The following DOK6 variants were observed in gnomAD, a reference collection of about 807,000 sequenced individuals.
DOK6 encodes the protein docking protein 6.
A neutral mutation model predicts 44.0 loss-of-function variants in DOK6; 22 were observed. The ratio of observed to expected loss-of-function variants is 0.50; its 90% CI spans 0.36 to 0.71. The LOEUF (loss-of-function observed/expected upper bound fraction) is 0.71, where lower values mean the gene tolerates loss of function less well. Ranked by LOEUF, DOK6 falls within the 30% of genes least tolerant of loss-of-function variation. The probability of loss-of-function intolerance (pLI) is 0.00; values close to 1 mark genes in which losing one functional copy is unlikely to be tolerated. For synonymous variants in DOK6, 166 were observed against 145.5 expected, an observed-to-expected ratio of 1.14 and a Z score of -1.01; for missense variants, 340 against 416.4, an observed-to-expected ratio of 0.82 and a Z score of 1.60.
chr18:69,671,514 C>T (rs985607182), intron 3 of DOK6, among the ~76,000 whole-genome samples: 2 of 152,066 alleles, frequency 1.3e-5, no homozygotes, highest in Admixed American at 6.6e-5. Flanking sequence ...TTATGCAAAA[C>T]CTTCAGGTTG....
intron 6 of DOK6, among the ~76,000 whole-genome samples, chr18:69,744,990 C>A (rs143407606): frequency 1.1e-4 from 16 of 149,876 alleles, no homozygotes; most frequent in Admixed American, 9.3e-4. Context: ...TGTATCTCTG[C>A]GTAAGGACAC....
chr18:69,583,752 CAAAAA>C (rs36222332), intron 2 of DOK6, among the ~76,000 whole-genome samples: 6 of 143,716 alleles, frequency 4.2e-5, no homozygotes, highest in African/African-American at 1.1e-4. Context: ...TCCATCCATA[CAAAAA>C]AAAAAAAAAA....
At chr18:69,473,406 A>G (rs17184396) in intron 1 of DOK6, among the ~76,000 whole-genome samples, 28,000 of 152,218 alleles carry the variant, frequency 0.18, 3,101 homozygotes, top group Non-Finnish European at 0.23. Flanking sequence ...ATCAGTTTAT[A>G]TGATCACAAT....
At chr18:69,729,314 G>C (rs1416688353) in intron 5 of DOK6, among the ~76,000 whole-genome samples, 3 of 151,938 alleles carry the variant, frequency 2.0e-5, no homozygotes, top group Non-Finnish European at 2.9e-5. Context: ...TATTCTATTA[G>C]AGGACTCAAG....
At chr18:69,734,768 T>C (rs1203208577) in intron 5 of DOK6, among the ~76,000 whole-genome samples, 1 of 152,212 alleles carries the variant, frequency 6.6e-6, no homozygotes, top group Non-Finnish European at 1.5e-5. Context: ...CAAAGTTTTA[T>C]CTATAGACCC....
chr18:69,749,090 G>A (rs987984364), intron 6 of DOK6, among the ~76,000 whole-genome samples: 18 of 152,118 alleles, frequency 1.2e-4, no homozygotes, highest in Non-Finnish European at 1.5e-4. Flanking sequence ...TCACTTGCGA[G>A]TGGGAACTGA....
chr18:69,710,499 G>T (rs572489261), intron 5 of DOK6, among the ~76,000 whole-genome samples: 1 of 152,150 alleles, frequency 6.6e-6, no homozygotes, highest in Non-Finnish European at 1.5e-5. Context: ...TTGCTAATAC[G>T]TCTCAGGTTT....
chr18:69,439,469 G>T (rs968227999), intron 1 of DOK6, among the ~76,000 whole-genome samples: 2 of 152,226 alleles, frequency 1.3e-5, no homozygotes, highest in African/African-American at 4.8e-5. Flanking sequence ...TCTTCCAGCA[G>T]AAGGCTGTTT....
intron 2 of DOK6, among the ~76,000 whole-genome samples, chr18:69,579,677 C>A (rs1285712857): frequency 6.6e-6 from 1 of 152,120 alleles, no homozygotes; most frequent in Non-Finnish European, 1.5e-5. Flanking sequence ...GATTCTCCTG[C>A]CTCAGCCTCC....
intron 4 of DOK6, among the ~76,000 whole-genome samples, chr18:69,693,286 T>C (rs1279424216): frequency 1.1e-4 from 9 of 79,988 alleles, no homozygotes; most frequent in African/African-American, 4.2e-4. Context: ...AGAAATAGAA[T>C]ACAGTGGAAA....
intron 7 of DOK6, among the ~76,000 whole-genome samples, chr18:69,840,076 TGA>T (rs1306959545): frequency 3.3e-5 from 5 of 152,124 alleles, no homozygotes; most frequent in Non-Finnish European, 7.4e-5. Flanking sequence ...CTTCCCACAG[TGA>T]GAGAGTATTT....
intron 3 of DOK6, among the ~76,000 whole-genome samples, chr18:69,647,881 C>T (rs1207077757): frequency 2.0e-5 from 3 of 151,990 alleles, no homozygotes; most frequent in South Asian, 4.1e-4. Context: ...TTTCTCTGCC[C>T]GCCGGCAGGG....
rs561763774 is a variant in DOK6 at position 69,709,435 on chromosome 18, A to T, written c.599+10842A>T. Among the ~76,000 whole-genome samples, 3 of 152,248 alleles carry T rather than the reference A, an allele frequency of 2.0e-5. No homozygotes were observed. The South Asian group carries it at 6.2e-4, about 32-fold the overall frequency. ...ATTTTTTAAAAAAATATGTTGATAG[A>T]TGTGGATTCAAGTCATCTACTTTTG... On this transcript the variant is annotated intron_variant, in intron 5 of 7. Transcript: ENST00000382713.
intron 1 of DOK6, among the ~76,000 whole-genome samples, chr18:69,558,271 A>G (rs1982738636): frequency 6.6e-6 from 1 of 152,060 alleles, no homozygotes; most frequent in Non-Finnish European, 1.5e-5. Flanking sequence ...ATCTCCTTGT[A>G]CTTCTGCTTA....
chr18:69,409,770 T>C (rs192438595), intron 1 of DOK6, among the ~76,000 whole-genome samples: 32 of 152,344 alleles, frequency 2.1e-4, no homozygotes, highest in Non-Finnish European at 4.7e-4. Context: ...ATTTTATATT[T>C]ATTTTTGTTT....
intron 7 of DOK6, among the ~76,000 whole-genome samples, chr18:69,821,071 A>G (rs1981554183): frequency 6.6e-6 from 1 of 152,204 alleles, no homozygotes; most frequent in Admixed American, 6.6e-5. Context: ...TTTAAAAAAT[A>G]TTCATTGTCC....
chr18:69,617,346 AAGAG>A (rs546381000), intron 3 of DOK6, among the ~76,000 whole-genome samples: 1 of 150,050 alleles, frequency 6.7e-6, no homozygotes, highest in Non-Finnish European at 1.5e-5. Flanking sequence ...GAAAGAAAGA[AAGAG>A]AAAGAAAGGA....
chr18:69,492,068 A>G (rs1028858700), intron 1 of DOK6, among the ~76,000 whole-genome samples: 2 of 152,228 alleles, frequency 1.3e-5, no homozygotes, highest in African/African-American at 4.8e-5. Flanking sequence ...CCAGCAGCAG[A>G]TAGAAAACTG....
chr18:69,789,126 T>C lies in DOK6; in HGVS notation c.856+31253T>C, dbSNP rs151054641. On this transcript the variant is annotated intron_variant, in intron 7 of 7. Transcript: ENST00000382713. The stretch of plus-strand genomic sequence containing the variant: ...ATTTGAGTTACAAACATGACCATGA[T>C]TCAAAGCAACAATTGTGAAAATGAT... Among the ~76,000 whole-genome samples, 884 of 152,300 alleles carry C rather than the reference T, an allele frequency of 5.8e-3. 3 individuals are homozygous for C. The highest frequency in any genetic ancestry group is 8.8e-3 in the Non-Finnish European group (601 of 68,012).
Sources: allele counts gnomAD v4.1 joint callset (sites outside exome capture counted in the v4.1 genomes callset), GRCh38; gene constraint gnomAD v4.1.1; transcripts MANE v1.5; gene names NCBI Gene and HGNC (gene_info 2026-07-23, HGNC 2026-07-21).